Variants in SLC2A9 observed in about 807,000 individuals in gnomAD.
The protein encoded by SLC2A9 is solute carrier family 2, facilitated glucose transporter member 9.
SLC2A9 carries 39 observed loss-of-function variants against 50.6 expected under a neutral mutation model. The ratio of observed to expected loss-of-function variants is 0.77; its 90% CI spans 0.60 to 1.01. The LOEUF (loss-of-function observed/expected upper bound fraction) is 1.01, where lower values mean the gene tolerates loss of function less well. Ranked by LOEUF, SLC2A9 falls within the 50% of genes least tolerant of loss-of-function variation. The pLI is 0.00. For missense variants in SLC2A9, 686 were observed against 677.6 expected (o/e 1.01, Z -0.14); for synonymous variants, 324 against 276.9 (o/e 1.17, Z -1.69).
chr4:9,941,932 G>T lies in SLC2A9; in HGVS notation c.795C>A (p.Asn265Lys). 6.2e-7 allele frequency: 1 copy of T among 1,614,112 alleles called. No individual in the cohort carries two copies. Among genetic ancestry groups the T allele is most frequent in the Non-Finnish European group, 8.5e-7 (1 of 1,179,972 alleles). Residue 265 changes from asparagine (N) to lysine (K), a missense_variant, in exon 6 of 12, where the codon AAC becomes AAA. By Grantham distance (94) the Asn-to-Lys change is moderately conservative (BLOSUM62 0). Coordinates refer to ENST00000264784, the MANE Select transcript of SLC2A9 (RefSeq NM_020041.3). ...CCTCACCTTTCACAGCTCTTGCCTC[G>T]TTGTGCTTCTCCAAGAGCAGGTAGC... The part of the protein sequence containing the change: ...SPRYLLLEKH[N>K]EARAVKAFQT...
At position 9,905,698 on chromosome 4, in the gene SLC2A9, G is replaced by A. The variant is rs192174957; in HGVS notation, c.1113+2537C>T. On this transcript the variant is annotated intron_variant, in intron 8 of 11. Transcript: ENST00000264784. ...CTGGAATGAATAAGAATGGCTTCCCGTGAAGTCTTCTTGCACCAAGGGAAG... is the reference window on the plus strand; with the variant it reads ...CTGGAATGAATAAGAATGGCTTCCCATGAAGTCTTCTTGCACCAAGGGAAG... Among the ~76,000 whole-genome samples, 12 of 152,318 alleles carry A rather than the reference G, an allele frequency of 7.9e-5. No homozygotes were observed. In the East Asian group the frequency reaches 1.2e-3, roughly 15 times the overall value.
chr4:9,933,497 C>T (rs1746515364), intron 6 of SLC2A9, among the ~76,000 whole-genome samples: 1 of 152,220 alleles, frequency 6.6e-6, no homozygotes, highest in Non-Finnish European at 1.5e-5. Context: ...ATTATTTCCA[C>T]TTTCCTGGGT....
intron 5 of SLC2A9, among the ~76,000 whole-genome samples, chr4:9,945,551 C>T (rs1164570053): frequency 6.6e-6 from 1 of 152,194 alleles, no homozygotes; most frequent in African/African-American, 2.4e-5. Flanking sequence ...GAGGCCACAA[C>T]TCGGTCATAG....
chr4:9,899,277 T>C (rs1739162558), intron 8 of SLC2A9, among the ~76,000 whole-genome samples: 1 of 152,184 alleles, frequency 6.6e-6, no homozygotes, highest in Non-Finnish European at 1.5e-5. Context: ...TTGTCAAAGT[T>C]TTAGCTGCAA....
chr4:10,003,936 T>C (rs1171082912), intron 2 of SLC2A9, among the ~76,000 whole-genome samples: 1 of 152,240 alleles, frequency 6.6e-6, no homozygotes, highest in Admixed American at 6.5e-5. Flanking sequence ...TTGTTACCTC[T>C]GTTTTGGGCA....
chr4:9,927,619 T>C (rs570362379), intron 6 of SLC2A9, among the ~76,000 whole-genome samples: 26 of 152,318 alleles, frequency 1.7e-4, no homozygotes, highest in African/African-American at 6.3e-4. Context: ...CAATGACTAA[T>C]GGAATTTAAG....
chr4:10,038,217 T>G (rs1007742149), intron 1 of SLC2A9, among the ~76,000 whole-genome samples: 3 of 150,832 alleles, frequency 2.0e-5, no homozygotes, highest in Non-Finnish European at 4.4e-5. Flanking sequence ...TTTAAAAAAA[T>G]TAGTCCAGGC....
intron 3 of SLC2A9, among the ~76,000 whole-genome samples, chr4:9,818,229 C>CTTT (rs201831563): frequency 9.8e-6 from 1 of 102,120 alleles, no homozygotes; most frequent in African/African-American, 7.2e-5. Flanking sequence ...CCATTATGTC[C>CTTT]TCTTATTTCT....
intron 1 of SLC2A9, chr4:10,036,093 C>A (rs561358939): frequency 2.1e-5 from 4 of 187,378 alleles, no homozygotes; most frequent in African/African-American, 4.8e-5. Flanking sequence ...CATAATAAAT[C>A]CCATCCATCC....
intron 3 of SLC2A9, among the ~76,000 whole-genome samples, chr4:9,814,366 C>G (rs1723284960): frequency 6.6e-6 from 1 of 152,188 alleles, no homozygotes; most frequent in African/African-American, 2.4e-5. Flanking sequence ...AATGAATTAA[C>G]CATTAATCCA....
intron 3 of SLC2A9, among the ~76,000 whole-genome samples, chr4:9,992,467 C>T (rs765495315): frequency 4.6e-5 from 7 of 152,234 alleles, no homozygotes; most frequent in Non-Finnish European, 1.0e-4. Context: ...AAACCAGAAA[C>T]ATCTCCTGGC....
At chr4:9,813,497 C>G (rs1723151296) in intron 3 of SLC2A9, among the ~76,000 whole-genome samples, 1 of 152,082 alleles carries the variant, frequency 6.6e-6, no homozygotes, top group South Asian at 2.1e-4. Flanking sequence ...ATTCCCTTCA[C>G]AAGGCACCCA....
At chr4:9,938,348 T>A (rs926322724) in intron 6 of SLC2A9, among the ~76,000 whole-genome samples, 12 of 149,884 alleles carry the variant, frequency 8.0e-5, no homozygotes, top group Non-Finnish European at 1.5e-4. Flanking sequence ...CTTGGCTCAC[T>A]GTAAGCTCTG....
intron 7 of SLC2A9, among the ~76,000 whole-genome samples, chr4:9,915,304 C>T (rs1742659910): frequency 6.6e-6 from 1 of 152,224 alleles, no homozygotes; most frequent in Admixed American, 6.5e-5. Flanking sequence ...ATGGTGCGAT[C>T]TCAGCTCATT....
At chr4:9,839,858 T>G (rs1727751731) in intron 10 of SLC2A9, among the ~76,000 whole-genome samples, 1 of 151,862 alleles carries the variant, frequency 6.6e-6, no homozygotes, top group African/African-American at 2.4e-5. Context: ...TCAGGAAAAA[T>G]ATTAATAACA....
chr4:10,024,122 C>T (rs1026719740), upstream of SLC2A9, among the ~76,000 whole-genome samples: 4 of 152,210 alleles, frequency 2.6e-5, no homozygotes, highest in East Asian at 7.7e-4. Flanking sequence ...GCACTTAACT[C>T]TCTCGCCACC....
At chr4:9,777,863 G>A (rs1199774218), downstream of SLC2A9, among the ~76,000 whole-genome samples, 3 of 152,170 alleles carry the variant, frequency 2.0e-5, no homozygotes, top group African/African-American at 7.2e-5. Flanking sequence ...GACTCAGTAA[G>A]TCTTTCTGGA....
intron 8 of SLC2A9, among the ~76,000 whole-genome samples, chr4:9,906,435 C>T (rs1028862203): frequency 2.0e-5 from 3 of 152,164 alleles, no homozygotes; most frequent in East Asian, 1.9e-4. Context: ...ATATATGATA[C>T]ACTTCAACAA....
intron 4 of SLC2A9, among the ~76,000 whole-genome samples, chr4:9,985,159 G>C (rs6849736): frequency 6.6e-6 from 1 of 151,928 alleles, no homozygotes; most frequent in Non-Finnish European, 1.5e-5. Flanking sequence ...ACATGCTACT[G>C]TCTACCTTAT....
Sources: gnomAD v4.1 joint callset for allele counts (sites outside exome capture counted in the v4.1 genomes callset) on GRCh38, gnomAD v4.1.1 for gene constraint, MANE v1.5 for transcripts, NCBI Gene and HGNC (gene_info 2026-07-23, HGNC 2026-07-21) for gene names.